Variants in IFT140 observed in about 807,000 individuals in gnomAD.
IFT140 encodes the protein intraflagellar transport protein 140 homolog.
IFT140 carries 133 observed loss-of-function variants against 164.6 expected under a neutral mutation model. The ratio of observed to expected loss-of-function variants is 0.81; its 90% CI spans 0.70 to 0.93. The LOEUF (loss-of-function observed/expected upper bound fraction) is 0.93, where lower values mean the gene tolerates loss of function less well. Ranked by LOEUF, IFT140 falls within the 40% of genes least tolerant of loss-of-function variation. The pLI, the probability that IFT140 is intolerant of heterozygous loss-of-function variation, is 0.00. For missense variants in IFT140, 2,045 were observed against 1,972.3 expected, an observed-to-expected ratio of 1.04 and a Z score of -0.70; for synonymous variants, 860 against 817.3, an observed-to-expected ratio of 1.05 and a Z score of -0.89.
chr16:1,510,486 C>T lies in IFT140; in HGVS notation c.*458G>A, dbSNP rs1177676509. On this transcript the variant is annotated 3_prime_UTR_variant, in exon 31 of 31. Transcript: ENST00000426508. ...GAGTGTTGGTGGCCGGTGGGCAGAG[C>T]CTAGCAGGGGGTGCAGCCGCCAAGG... 4.1e-5 allele frequency: 10 copies of T among 243,078 alleles called. No individual in the cohort carries two copies. Among genetic ancestry groups the T allele is most frequent in the Non-Finnish European group, 5.7e-5 (7 of 123,852 alleles). The allele number at this position is 243,078 out of a possible 1,614,324, so 15.1% of individuals were successfully genotyped here. A position where few individuals can be genotyped will look rare whatever the true frequency, so the allele number is the denominator to read the frequency against.
chr16:1,608,648 A>AG (rs1181855210), intron 2 of IFT140, among the ~76,000 whole-genome samples: 1 of 151,516 alleles, frequency 6.6e-6, no homozygotes, highest in Non-Finnish European at 1.5e-5. Flanking sequence ...AAAAAAAAAA[A>AG]AAAGAAACCC....
chr16:1,553,904 G>C lies in IFT140; in HGVS notation c.2399+4031C>G, dbSNP rs967030938. 7.8e-7 allele frequency: 1 copy of C among 1,274,826 alleles called. No homozygotes were observed. The highest frequency in any genetic ancestry group is 1.0e-6 in the Non-Finnish European group (1 of 980,396). 79.0% of individuals were successfully genotyped at this position (1,274,826 alleles called of 1,614,324 possible). A position where few individuals can be genotyped will look rare whatever the true frequency, so the allele number is the denominator to read the frequency against. ...CGAAACCCTGATTTTCCTGTTGTAAGAACTAAAAAGGTCTTTGGAGCTCCT... is the reference window on the plus strand; with the variant it reads ...CGAAACCCTGATTTTCCTGTTGTAACAACTAAAAAGGTCTTTGGAGCTCCT... On this transcript the variant is annotated intron_variant, in intron 19 of 30. Transcript: ENST00000426508. The surrounding 1 kb of genome is among the most constrained non-coding windows in gnomAD (Gnocchi z 4.4).
intron 19 of IFT140, among the ~76,000 whole-genome samples, chr16:1,549,456 C>A (rs902717772): frequency 2.0e-5 from 3 of 152,264 alleles, no homozygotes; most frequent in Admixed American, 6.5e-5. Context: ...GACTGGCTTT[C>A]GCTCTTGTTG....
At chr16:1,590,649 G>A (rs2035131730) in intron 6 of IFT140, among the ~76,000 whole-genome samples, 1 of 152,232 alleles carries the variant, frequency 6.6e-6, no homozygotes. Flanking sequence ...CAGGCCCTGT[G>A]TGAGCTTGGG....
At chr16:1,567,840 G>T (rs1373117384) in intron 15 of IFT140, among the ~76,000 whole-genome samples, 1 of 152,222 alleles carries the variant, frequency 6.6e-6, no homozygotes, top group Non-Finnish European at 1.5e-5. Flanking sequence ...ACGCCTGAGG[G>T]CTCTCCAACA....
At position 1,520,320 on chromosome 16, in the gene IFT140, G is replaced by A. The variant is rs146464282; in HGVS notation, c.3684C>T (p.Ser1228=). The change falls in exon 28 of 31, where the codon TCC becomes TCT. Residue 1228 remains serine (S), a synonymous_variant. Coordinates refer to ENST00000426508, the MANE Select transcript of IFT140 (RefSeq NM_014714.4). ...AGAACGTGATTTTCTCCGTGTCTCC[G>A]GATTTGAGCAGCGCCCTCATGGCCT... The part of the protein sequence containing the change: ...KLKAMRALLK[S]GDTEKITFFA... The A allele has an allele frequency of 1.8e-4, 295 of 1,614,166 alleles. 1 individual carries two copies. Among genetic ancestry groups the A allele is most frequent in the African/African-American group, 1.1e-3 (83 of 75,074 alleles).
At position 1,566,186 on chromosome 16, in the gene IFT140, A is replaced by G. The variant is rs200765913; in HGVS notation, c.1876T>C (p.Ser626Pro). 2.4e-5 allele frequency: 39 copies of G among 1,613,868 alleles called. No homozygotes were observed. Among genetic ancestry groups the G allele is most frequent in the African/African-American group, 1.7e-4 (13 of 75,046 alleles). Residue 626 changes from serine to proline, a missense_variant, in exon 16 of 31, where the codon TCC (serine) becomes CCC (proline). Physicochemically the swap from Ser to Pro is moderately conservative, Grantham distance 74 (BLOSUM62 -1). Coordinates refer to ENST00000426508, the MANE Select transcript of IFT140 (RefSeq NM_014714.4). The stretch of plus-strand genomic sequence containing the variant: ...TTATTAGTCTCTTGCTCATTAAAGG[A>G]CAGCGTCTCTCTCCGATCAATTTGT... ...TGQIDRRETLSFNEQETNKSH... is the reference protein window; with the variant it reads ...TGQIDRRETLPFNEQETNKSH...
chr16:1,581,090 TG>T (rs1322943515), intron 12 of IFT140, among the ~76,000 whole-genome samples: 3 of 152,180 alleles, frequency 2.0e-5, no homozygotes, highest in Non-Finnish European at 4.4e-5. Context: ...GACTCCATGC[TG>T]GGCTCTGGGC....
At position 1,584,556 on chromosome 16, in the gene IFT140, T is replaced by A. The variant is rs181309343; in HGVS notation, c.1156-136A>T. 1.1e-5 allele frequency: 8 copies of A among 698,160 alleles called. 1 individual carries two copies. The East Asian group carries it at 2.2e-4, about 19-fold the overall frequency. 43.2% of individuals were successfully genotyped at this position (698,160 alleles called of 1,614,324 possible). A position where few individuals can be genotyped will look rare whatever the true frequency, so the allele number is the denominator to read the frequency against. ...CCATTGTTCCGGACTTAAAAAATGA[T>A]CTTATAAGACATTATAAGAAAAGTC... On this transcript the variant is annotated intron_variant, in intron 10 of 30. Coordinates refer to ENST00000426508, the MANE Select transcript of IFT140 (RefSeq NM_014714.4).
At chr16:1,605,739 C>T (rs1425558884) in intron 3 of IFT140, among the ~76,000 whole-genome samples, 2 of 152,062 alleles carry the variant, frequency 1.3e-5, no homozygotes, top group Non-Finnish European at 2.9e-5. Flanking sequence ...GTGCACTGGG[C>T]ACCGAGAGGG....
At chr16:1,609,032 G>A (rs993283830) in intron 2 of IFT140, among the ~76,000 whole-genome samples, 1 of 152,122 alleles carries the variant, frequency 6.6e-6, no homozygotes, top group Non-Finnish European at 1.5e-5. Context: ...GTGCCTGCCT[G>A]TAATCCCAGC....
chr16:1,555,028 T>C, intron 19 of IFT140: 2 of 1,606,264 alleles, frequency 1.2e-6, no homozygotes, highest in Non-Finnish European at 8.5e-7. Flanking sequence ...CCATGCTGAG[T>C]CGCCCTTCTC....
In IFT140 at chr16:1,557,980, A is replaced by G; in HGVS notation, c.2354T>C (p.Ile785Thr). ...AMLHFSFFVTIGDMDEAFKSI... is the reference protein window; with the variant it reads ...AMLHFSFFVTTGDMDEAFKSI... The stretch of plus-strand genomic sequence containing the variant: ...TTTGAAGGCTTCGTCCATGTCTCCT[A>G]TGGTGACAAAGAAGCTGAAGTGGAG... The change falls in exon 19 of 31, where the codon ATA becomes ACA. Residue 785 changes from isoleucine to threonine, a missense_variant. Transcript: ENST00000426508. 6.2e-7 allele frequency: 1 copy of G among 1,613,920 alleles called. No individual in the cohort carries two copies. The highest frequency in any genetic ancestry group is 8.5e-7 in the Non-Finnish European group (1 of 1,180,036).
chr16:1,520,410 A>G (rs1177466013), intron 27 of IFT140, 67 bp from the exon 28 acceptor site: 2 of 1,536,312 alleles, frequency 1.3e-6, no homozygotes, highest in Non-Finnish European at 1.8e-6. Context: ...AGGGACCCCG[A>G]GCAGGAGCTC....
intron 19 of IFT140, among the ~76,000 whole-genome samples, chr16:1,544,161 GCACCTGC>G (rs569784189): frequency 0.04 from 6,084 of 150,302 alleles, 173 homozygotes; most frequent in Middle Eastern, 0.063. Context: ...GGGATTGCAG[GCACCTGC>G]CACCACGCCC....
chr16:1,524,951 G>T, intron 22 of IFT140, 35 bp from the exon 23 acceptor site: 1 of 1,580,638 alleles, frequency 6.3e-7, no homozygotes. Context: ...TTCTCCACCC[G>T]AGCCCCGCTC....
In IFT140 at chr16:1,523,586, A is replaced by ACACT. The variant is rs1221089385; in HGVS notation, c.3384_3385insAGTG (p.Cys1129SerfsTer58). ...CTGTGCTCGATGAAGAAGTCGGAGCAGCGGGCCAGGAGCGCAGGGTCTGAC... is the reference window on the plus strand; with the variant it reads ...CTGTGCTCGATGAAGAAGTCGGAGCACACTGCGGGCCAGGAGCGCAGGGTCTGAC... On this transcript the variant is annotated frameshift_variant, in exon 26 of 31. Transcript: ENST00000426508. LOFTEE classifies it high-confidence loss of function. 3 of 1,613,720 alleles carry ACACT rather than the reference A, an allele frequency of 1.9e-6. No homozygotes were observed. Among genetic ancestry groups the ACACT allele is most frequent in the Non-Finnish European group, 2.5e-6 (3 of 1,180,022 alleles).
intron 19 of IFT140, among the ~76,000 whole-genome samples, chr16:1,555,856 C>T (rs1429461456): frequency 2.0e-5 from 3 of 152,196 alleles, no homozygotes; most frequent in African/African-American, 7.2e-5. Context: ...GTAATCCCAG[C>T]ACTTTGGGAG....
intron 4 of IFT140, among the ~76,000 whole-genome samples, chr16:1,598,183 G>A (rs771434756): frequency 1.3e-5 from 2 of 152,210 alleles, no homozygotes; most frequent in Non-Finnish European, 2.9e-5. Context: ...TACAAGCCGG[G>A]TGCGGTGGCT....
Sources: allele counts gnomAD v4.1 joint callset (sites outside exome capture counted in the v4.1 genomes callset), GRCh38; gene constraint gnomAD v4.1.1; non-coding constraint Gnocchi (gnomAD v3.1); transcripts MANE v1.5; gene names NCBI Gene and HGNC (gene_info 2026-07-23, HGNC 2026-07-21).